Variants in SDK2 observed in about 807,000 individuals in gnomAD.
SDK2 encodes the protein sidekick cell adhesion molecule 2, also known as protein sidekick-2.
In SDK2, 105 loss-of-function variants were observed where a neutral mutation model predicts 253.9. The ratio of observed to expected loss-of-function variants is 0.41; its 90% CI spans 0.35 to 0.49. The LOEUF (loss-of-function observed/expected upper bound fraction) is 0.49. Ranked by LOEUF, SDK2 falls within the 20% of genes least tolerant of loss-of-function variation. The pLI is 0.06. For synonymous variants in SDK2, 1,249 were observed against 1,234.9 expected (o/e 1.01, Z -0.24); for missense variants, 2,608 against 3,003.0 (o/e 0.87, Z 3.07).
intron 44 of SDK2, among the ~76,000 whole-genome samples, chr17:73,340,432 G>T (rs2062424767): frequency 6.6e-6 from 1 of 152,154 alleles, no homozygotes; most frequent in Non-Finnish European, 1.5e-5. Context: ...ACTTATTTGG[G>T]ACTTTCCTAT....
intron 1 of SDK2, among the ~76,000 whole-genome samples, chr17:73,530,627 C>T (rs369202296): frequency 6.6e-6 from 1 of 152,206 alleles, no homozygotes; most frequent in African/African-American, 2.4e-5. Flanking sequence ...GTAGCTTGTA[C>T]TGCTGGTTGG....
intron 2 of SDK2, among the ~76,000 whole-genome samples, chr17:73,479,127 T>G (rs2063705877): frequency 6.6e-6 from 1 of 152,214 alleles, no homozygotes; most frequent in Non-Finnish European, 1.5e-5. Context: ...TGTGCTCAGG[T>G]AGAGAAGGCA....
chr17:73,391,705 G>C (rs16977619), intron 27 of SDK2, among the ~76,000 whole-genome samples, 167 bp from the exon 28 acceptor site: 4,876 of 152,312 alleles, frequency 0.032, 261 homozygotes, highest in African/African-American at 0.11. Flanking sequence ...TAGGAGCCAG[G>C]GGCAAGAACG....
chr17:73,355,321 G>C, intron 40 of SDK2, among the ~76,000 whole-genome samples: 1 of 148,814 alleles, frequency 6.7e-6, no homozygotes, highest in Non-Finnish European at 1.5e-5. Flanking sequence ...GGGATTATAG[G>C]CACCCGCCAC....
rs372571803 is a variant in SDK2 at position 73,423,388 on chromosome 17, T to C, written c.1895A>G (p.Asn632Ser). The C allele has an allele frequency of 1.1e-4, 160 of 1,472,152 alleles. No homozygotes were observed. The highest frequency in any genetic ancestry group is 1.4e-4 in the Non-Finnish European group (155 of 1,102,020). The allele number at this position is 1,472,152 out of a possible 1,614,324, so 91.2% of individuals were successfully genotyped here. The change falls in exon 14 of 45, where the codon AAC (asparagine) becomes AGC (serine). Residue 632 changes from asparagine (N) to serine (S), a missense_variant and splice_region_variant. This residue lies in a region of SDK2 where 1,505 missense variants were observed against 1,859.1 expected (regional missense o/e 0.81). Transcript: ENST00000392650. ...LIRYILEMSE[N>S]NAPWTVLLAS... Reference sequence around the variant, plus strand: ...GGAGGTGACCACGGGAAGCTTACTGTTCTCCGACATCTCCAGAATGTAGCG... The same window carrying C: ...GGAGGTGACCACGGGAAGCTTACTGCTCTCCGACATCTCCAGAATGTAGCG...
At chr17:73,531,034 C>T (rs961403971) in intron 1 of SDK2, among the ~76,000 whole-genome samples, 2 of 152,180 alleles carry the variant, frequency 1.3e-5, no homozygotes, top group African/African-American at 4.8e-5. Context: ...CTTTTCCCGC[C>T]TTTCCTTCCC....
intron 3 of SDK2, among the ~76,000 whole-genome samples, chr17:73,462,459 C>T (rs1046606670): frequency 3.3e-5 from 5 of 151,822 alleles, no homozygotes; most frequent in African/African-American, 1.2e-4. Context: ...TACACACACA[C>T]ATACATGTTT....
At chr17:73,399,476 G>A (rs575590016) in intron 21 of SDK2, among the ~76,000 whole-genome samples, 187 bp from the exon 22 acceptor site, 1 of 152,324 alleles carries the variant, frequency 6.6e-6, no homozygotes, top group East Asian at 1.9e-4. Context: ...CCATGTTCAT[G>A]CCAGGAGGCT....
At chr17:73,422,858 C>T (rs1304897730) in intron 14 of SDK2, among the ~76,000 whole-genome samples, 1 of 151,942 alleles carries the variant, frequency 6.6e-6, no homozygotes, top group African/African-American at 2.4e-5. Context: ...CCCATCTCTA[C>T]TAAAAATACA....
chr17:73,553,421 A>C (rs1330737447), intron 1 of SDK2, among the ~76,000 whole-genome samples: 1 of 152,180 alleles, frequency 6.6e-6, no homozygotes, highest in African/African-American at 2.4e-5. Flanking sequence ...CTGAGGCCTC[A>C]AGAGATCAAA....
chr17:73,407,733 G>T (rs143991590), intron 18 of SDK2, among the ~76,000 whole-genome samples: 40 of 152,196 alleles, frequency 2.6e-4, no homozygotes, highest in African/African-American at 9.4e-4. Context: ...CACCATGCCC[G>T]GCCAGAACCA....
intron 36 of SDK2, among the ~76,000 whole-genome samples, chr17:73,372,304 T>C (rs1568369967): frequency 2.0e-5 from 3 of 152,156 alleles, no homozygotes; most frequent in Admixed American, 2.0e-4. Context: ...CTGAGCTGCA[T>C]GGGGCACATT....
chr17:73,348,978 C>T (rs9906379), intron 43 of SDK2, among the ~76,000 whole-genome samples: 114,228 of 152,190 alleles, frequency 0.75, 43,824 homozygotes, highest in East Asian at 0.83. Context: ...GGGATGTCAC[C>T]GTGGCTGGGT....
rs1184776191 is a variant in SDK2, at chr17:73,334,564, T to TA, written c.*4022dup. On this transcript the variant is annotated 3_prime_UTR_variant, in exon 45 of 45. Coordinates refer to ENST00000392650, the MANE Select transcript of SDK2 (RefSeq NM_001144952.2). Reference sequence around the variant, plus strand: ...ACAGACAGACACCTGCCATAATGAATACTCTCCCCATAATTTTTTGTTATA... The same window carrying TA: ...ACAGACAGACACCTGCCATAATGAATAACTCTCCCCATAATTTTTTGTTATA... 3 of 152,226 alleles carry TA rather than the reference T, an allele frequency of 2.0e-5. No homozygotes were observed. Among genetic ancestry groups the TA allele is most frequent in the Non-Finnish European group, 2.9e-5 (2 of 68,042 alleles). 9.4% of individuals were successfully genotyped at this position (152,226 alleles called of 1,614,324 possible). A position where few individuals can be genotyped will look rare whatever the true frequency, so the allele number is the denominator to read the frequency against.
chr17:73,432,730 T>G (rs1046140437), intron 10 of SDK2, among the ~76,000 whole-genome samples: 2 of 149,828 alleles, frequency 1.3e-5, no homozygotes, highest in Non-Finnish European at 1.5e-5. Context: ...ACCTCTGAGC[T>G]GGGGCTTGCC....
chr17:73,585,697 G>A (rs2045594453), intron 1 of SDK2, among the ~76,000 whole-genome samples: 2 of 152,168 alleles, frequency 1.3e-5, no homozygotes, highest in African/African-American at 4.8e-5. Context: ...TTTGAGTCCA[G>A]GGGGAGCCCC....
chr17:73,430,273 C>T (rs944583461), intron 12 of SDK2, among the ~76,000 whole-genome samples: 19 of 152,176 alleles, frequency 1.2e-4, no homozygotes, highest in Non-Finnish European at 1.8e-4. Flanking sequence ...TGCACCCCTT[C>T]CTCTTTTCCT....
chr17:73,384,395 TCC>T (rs1376244424), intron 32 of SDK2, among the ~76,000 whole-genome samples: 1 of 152,086 alleles, frequency 6.6e-6, no homozygotes, highest in Non-Finnish European at 1.5e-5. Context: ...ATCACCAGCC[TCC>T]CCAGGCCTGC....
At chr17:73,472,495 C>A (rs896649243) in intron 2 of SDK2, among the ~76,000 whole-genome samples, 11 of 152,196 alleles carry the variant, frequency 7.2e-5, no homozygotes, top group African/African-American at 2.7e-4. Context: ...AATCCTTGAC[C>A]CTGACCCTAA....
Sources: gnomAD v4.1 joint callset for allele counts (sites outside exome capture counted in the v4.1 genomes callset) on GRCh38, gnomAD v4.1.1 for gene constraint, gnomAD v4.1.1 regional missense constraint, MANE v1.5 for transcripts, NCBI Gene and HGNC (gene_info 2026-07-23, HGNC 2026-07-21) for gene names.